OSBPL9: variants seen among roughly 807,000 people sequenced by gnomAD.
OSBPL9 encodes the protein oxysterol-binding protein-related protein 9.
OSBPL9 carries 40 observed loss-of-function variants against 106.6 expected under a neutral mutation model. The observed-to-expected ratio is 0.38, with a 90% CI of 0.29 to 0.49. OSBPL9 has a LOEUF of 0.49. OSBPL9 is among the 20% of genes least tolerant of loss of function. OSBPL9 has a pLI of 0.97. For missense variants in OSBPL9, 609 were observed against 887.2 expected, an observed-to-expected ratio of 0.69 and a Z score of 3.98; for synonymous variants, 269 against 295.4, an observed-to-expected ratio of 0.91 and a Z score of 0.92.
chr1:51,616,928 T>C (rs1266021667), upstream of OSBPL9: 3 of 1,103,030 alleles, frequency 2.7e-6, no homozygotes, highest in Admixed American at 2.9e-5. Flanking sequence ...ATCCGTGGCA[T>C]GGAGTCCTAC....
chr1:51,724,302 G>C (rs533300689), intron 4 of OSBPL9, among the ~76,000 whole-genome samples: 1 of 151,630 alleles, frequency 6.6e-6, no homozygotes, highest in Admixed American at 6.6e-5. Context: ...TCTTCTTTTT[G>C]AGATGGAGTC....
chr1:51,594,511 T>C (rs1341398194), intron 1 of OSBPL9, among the ~76,000 whole-genome samples: 1 of 152,174 alleles, frequency 6.6e-6, no homozygotes, highest in Non-Finnish European at 1.5e-5. Flanking sequence ...CACCCATTTG[T>C]GTTTTTGAGA....
chr1:51,631,997 A>T (rs1309289797), intron 1 of OSBPL9, among the ~76,000 whole-genome samples: 1 of 152,166 alleles, frequency 6.6e-6, no homozygotes, highest in Non-Finnish European at 1.5e-5. Flanking sequence ...TCTTTAGGGC[A>T]ATAACTCACA....
Position 51,619,337 on chromosome 1 carries a change from CT to C in OSBPL9, c.111+2121del, listed in dbSNP as rs375431166. The stretch of plus-strand genomic sequence containing the variant: ...AATGCCTAGCCCAGAAAGAATCTTC[CT>C]TTTTCCTCTTTTTCTTCTTTTCATG... On this transcript the variant is annotated intron_variant, in intron 1 of 23. Transcript: ENST00000428468. 4.7e-4 allele frequency among the ~76,000 whole-genome samples: 71 copies of C among 152,242 alleles called. 3 individuals carry two copies. In the South Asian group the frequency reaches 0.012, roughly 25 times the overall value.
chr1:51,574,162 GA>G (rs1366598643), upstream of OSBPL9: 3 of 152,330 alleles, frequency 2.0e-5, no homozygotes, highest in African/African-American at 7.2e-5. Context: ...TGATATTCCT[GA>G]AATTCCTTTC....
At position 51,789,160 on chromosome 1, in the gene OSBPL9, A is replaced by G. The variant is rs1678416189; in HGVS notation, c.*1371A>G. On this transcript the variant is annotated 3_prime_UTR_variant, in exon 24 of 24. Transcript: ENST00000428468. ...TCAATGGAAGCCCTAAGGCAGTAGT[A>G]TAACTAACTCCATAAAATACAAACA... is the stretch of plus-strand genomic sequence containing the variant. 2 of 1,375,180 alleles carry G rather than the reference A, an allele frequency of 1.5e-6. No individual in the cohort carries two copies. The highest frequency in any genetic ancestry group is 2.1e-6 in the Non-Finnish European group (2 of 965,658). The allele number at this position is 1,375,180 out of a possible 1,614,324, so 85.2% of individuals were successfully genotyped here. A position where few individuals can be genotyped will look rare whatever the true frequency, so the allele number is the denominator to read the frequency against.
At chr1:51,604,540 A>T (rs1244299607) in intron 2 of OSBPL9, among the ~76,000 whole-genome samples, 1 of 151,794 alleles carries the variant, frequency 6.6e-6, no homozygotes, top group East Asian at 1.9e-4. Context: ...TGGGTGACAG[A>T]GTGAGACTCT....
At chr1:51,662,450 G>A (rs911692865) in intron 2 of OSBPL9, among the ~76,000 whole-genome samples, 7 of 152,178 alleles carry the variant, frequency 4.6e-5, no homozygotes, top group African/African-American at 1.7e-4. Context: ...TAAGTGGAAA[G>A]GAAGCATGCT....
upstream of OSBPL9, chr1:51,617,036 G>GGGGCC: frequency 1.4e-6 from 2 of 1,388,352 alleles, no homozygotes; most frequent in Non-Finnish European, 2.0e-6. Flanking sequence ...GCCCCCTGCG[G>GGGGCC]CCCCGCCCCC....
intron 4 of OSBPL9, among the ~76,000 whole-genome samples, chr1:51,739,478 G>C (rs943827774): frequency 6.6e-6 from 1 of 151,892 alleles, no homozygotes; most frequent in African/African-American, 2.4e-5. Flanking sequence ...GAGGTACCTA[G>C]CAGTTGGTAA....
At chr1:51,738,850 G>A (rs1007869220) in intron 4 of OSBPL9, among the ~76,000 whole-genome samples, 3 of 151,856 alleles carry the variant, frequency 2.0e-5, no homozygotes, top group South Asian at 2.1e-4. Context: ...CCTTCTATGC[G>A]TAAGGGCCTG....
At chr1:51,755,054 T>A (rs984027354) in intron 8 of OSBPL9, among the ~76,000 whole-genome samples, 1 of 152,128 alleles carries the variant, frequency 6.6e-6, no homozygotes, top group African/African-American at 2.4e-5. Flanking sequence ...TGATTCTCCG[T>A]CCTCGGCCTT....
At chr1:51,739,823 T>G (rs940556775) in intron 4 of OSBPL9, among the ~76,000 whole-genome samples, 1 of 152,010 alleles carries the variant, frequency 6.6e-6, no homozygotes, top group African/African-American at 2.4e-5. Flanking sequence ...AAATCACAGA[T>G]TAGTGTGCCT....
chr1:51,543,225 T>C, the OSBPL9 span, among the ~76,000 whole-genome samples: 3 of 152,214 alleles, frequency 2.0e-5, no homozygotes, highest in Non-Finnish European at 4.4e-5. Context: ...TGCATCAGGA[T>C]GGAAATTAGT....
chr1:51,766,982 G>A (rs1672696182), intron 12 of OSBPL9, among the ~76,000 whole-genome samples: 2 of 152,154 alleles, frequency 1.3e-5, no homozygotes, highest in Non-Finnish European at 2.9e-5. Context: ...AGGAGGCTGA[G>A]GCAGGAGAAT....
chr1:51,528,480 G>A, the OSBPL9 span, among the ~76,000 whole-genome samples: 1 of 151,994 alleles, frequency 6.6e-6, no homozygotes, highest in Non-Finnish European at 1.5e-5. Flanking sequence ...GGAGGCGGAG[G>A]TTGCAGTGAG....
intron 9 of OSBPL9, chr1:51,756,750 T>C (rs1670424949): frequency 5.9e-6 from 1 of 168,250 alleles, no homozygotes; most frequent in Non-Finnish European, 1.3e-5. Context: ...TTTGAATATA[T>C]TTATAGGTTC....
At chr1:51,519,423 G>T in the OSBPL9 span, 6 of 167,438 alleles carry the variant, frequency 3.6e-5, no homozygotes, top group Non-Finnish European at 7.8e-5. Flanking sequence ...CGCCGGAGCC[G>T]GCCGCGGCGC....
In OSBPL9 at chr1:51,666,762, T is replaced by A. The variant is rs138262923; in HGVS notation, c.163-2672T>A. On this transcript the variant is annotated intron_variant, in intron 2 of 23. Transcript: ENST00000428468. Reference sequence around the variant, plus strand: ...TGGGTGACGATAGTGGAAATGTTGGTTGGGCCAGATTTTGAACAGCCTTGA... The same window carrying A: ...TGGGTGACGATAGTGGAAATGTTGGATGGGCCAGATTTTGAACAGCCTTGA... 6.4e-3 allele frequency among the ~76,000 whole-genome samples: 968 copies of A among 152,306 alleles called. 7 individuals carry two copies. Among genetic ancestry groups the A allele is most frequent in the Non-Finnish European group, 0.011 (757 of 68,024 alleles).
Sources: allele counts gnomAD v4.1 joint callset (sites outside exome capture counted in the v4.1 genomes callset), GRCh38; gene constraint gnomAD v4.1.1; transcripts MANE v1.5; gene names NCBI Gene and HGNC (gene_info 2026-07-23, HGNC 2026-07-21).